TIAM2: variants seen among roughly 807,000 people sequenced by gnomAD.
TIAM2 encodes the protein rho guanine nucleotide exchange factor TIAM2.
Under a neutral mutation model 152.9 loss-of-function variants are expected in TIAM2, and 80 were observed. That is an observed-to-expected ratio of 0.52 (90% CI 0.44 to 0.63). TIAM2 has a LOEUF of 0.63. TIAM2 is among the 30% of genes least tolerant of loss of function. The probability of loss-of-function intolerance (pLI) is 0.00; values close to 1 mark genes in which losing one functional copy is unlikely to be tolerated. For missense variants in TIAM2, 1,965 were observed against 2,120.1 expected, an observed-to-expected ratio of 0.93 and a Z score of 1.44; for synonymous variants, 804 against 838.0, an observed-to-expected ratio of 0.96 and a Z score of 0.70.
chr6:155,113,333 T>C (rs926127523), intron 2 of TIAM2, among the ~76,000 whole-genome samples: 5 of 152,194 alleles, frequency 3.3e-5, no homozygotes, highest in Non-Finnish European at 5.9e-5. Context: ...CCTCGCCTTT[T>C]AAAAATTGCA....
chr6:155,140,930 C>T (rs1457520321), intron 5 of TIAM2, among the ~76,000 whole-genome samples: 2 of 152,154 alleles, frequency 1.3e-5, no homozygotes, highest in East Asian at 1.9e-4. Flanking sequence ...GCCAAATTGT[C>T]GCAGGCTTCT....
At chr6:155,045,840 CTT>C (rs11354850) in intron 1 of TIAM2, among the ~76,000 whole-genome samples, 15 of 60,498 alleles carry the variant, frequency 2.5e-4, no homozygotes, top group African/African-American at 9.5e-4. Flanking sequence ...ATAGTGCCCT[CTT>C]TTTTTTTTTT....
In TIAM2 at chr6:155,256,862, G is replaced by A. The variant is rs1470201822; in HGVS notation, c.4847G>A (p.Gly1616Asp). ...EAEQQPGPESGEGQKGGEQPK... is the reference protein window; with the variant it reads ...EAEQQPGPESDEGQKGGEQPK... Reference sequence around the variant, plus strand: ...GAGCAGCAGCCTGGCCCGGAGTCGGGTGAGGGTCAGAAAGGAGGAGAGCAG... The same window carrying A: ...GAGCAGCAGCCTGGCCCGGAGTCGGATGAGGGTCAGAAAGGAGGAGAGCAG... Residue 1616 changes from glycine to aspartate, a missense_variant, in exon 27 of 27, where the codon GGT (glycine) becomes GAT (aspartate). Gly to Asp is a moderately conservative substitution (Grantham distance 94). Coordinates refer to ENST00000682666, the MANE Select transcript of TIAM2 (RefSeq NM_012454.4). The A allele has an allele frequency of 5.0e-6, 8 of 1,614,108 alleles. No homozygotes were observed. The highest frequency in any genetic ancestry group is 4.0e-5 in the African/African-American group (3 of 74,928).
intron 7 of TIAM2, among the ~76,000 whole-genome samples, chr6:155,155,109 G>A (rs981268653): frequency 1.3e-5 from 2 of 152,158 alleles, no homozygotes; most frequent in Non-Finnish European, 2.9e-5. Context: ...ATAGGCAATA[G>A]GGAGATGGTG....
intron 7 of TIAM2, among the ~76,000 whole-genome samples, chr6:155,154,295 A>C (rs1345060486): frequency 2.0e-5 from 3 of 152,188 alleles, no homozygotes; most frequent in Non-Finnish European, 4.4e-5. Context: ...ACATCATGCA[A>C]CAGAAATTCT....
At position 155,035,119 on chromosome 6, in the gene TIAM2, C is replaced by T. The variant is rs185354153; in HGVS notation, c.-209+39627C>T. 9.3e-4 allele frequency among the ~76,000 whole-genome samples: 141 copies of T among 151,760 alleles called. 2 individuals carry two copies. The highest frequency in any genetic ancestry group is 6.3e-3 in the South Asian group (30 of 4,792). On this transcript the variant is annotated intron_variant, in intron 1 of 26. Coordinates refer to ENST00000682666, the MANE Select transcript of TIAM2 (RefSeq NM_012454.4). ...AGGGAATGACTTGATTATTATAGTT[C>T]GTTTGATCCACGTATGCACTGATTC...
At chr6:155,106,982 A>G (rs1041963468) in intron 2 of TIAM2, among the ~76,000 whole-genome samples, 1 of 152,214 alleles carries the variant, frequency 6.6e-6, no homozygotes. Context: ...AGCATTGCAC[A>G]GGATCTGTTT....
intron 15 of TIAM2, among the ~76,000 whole-genome samples, chr6:155,227,832 A>C (rs2115259229): frequency 6.6e-6 from 1 of 152,344 alleles, no homozygotes; most frequent in South Asian, 2.1e-4. Flanking sequence ...GAGAGCCAGC[A>C]GAGGATGCAG....
intron 4 of TIAM2, among the ~76,000 whole-genome samples, chr6:155,135,263 CA>C (rs927095904): frequency 7.0e-4 from 107 of 152,112 alleles, no homozygotes; most frequent in Non-Finnish European, 1.4e-3. Flanking sequence ...TATTCTCTTA[CA>C]AAACAGCAAG....
chr6:155,095,643 G>A lies in TIAM2; in HGVS notation c.-118+5264G>A, dbSNP rs569344572. 5.9e-4 allele frequency among the ~76,000 whole-genome samples: 90 copies of A among 152,308 alleles called. 1 individual carries two copies. The highest frequency in any genetic ancestry group is 6.8e-3 in the Middle Eastern group (2 of 294). ...CCCCATCTGTCAGGATGCTGTAGGA[G>A]ATTCCTAAATTAGAGGGAAGGTTGG... On this transcript the variant is annotated intron_variant, in intron 2 of 26. Transcript: ENST00000682666.
intron 14 of TIAM2, among the ~76,000 whole-genome samples, chr6:155,210,621 G>A (rs1781697998): frequency 6.6e-6 from 1 of 152,158 alleles, no homozygotes; most frequent in African/African-American, 2.4e-5. Context: ...ACGGGCATGA[G>A]CCACCACACC....
chr6:155,220,647 T>G (rs556575339), intron 15 of TIAM2, among the ~76,000 whole-genome samples: 18 of 152,332 alleles, frequency 1.2e-4, no homozygotes, highest in African/African-American at 4.3e-4. Context: ...CAGCCTCTTT[T>G]TTTTTGGCAG....
chr6:155,241,073 G>A (rs145594290), intron 16 of TIAM2, among the ~76,000 whole-genome samples: 5 of 152,328 alleles, frequency 3.3e-5, no homozygotes, highest in African/African-American at 9.6e-5. Flanking sequence ...CTGTACATAC[G>A]TGACGGCTGA....
intron 1 of TIAM2, among the ~76,000 whole-genome samples, chr6:155,086,922 A>T (rs1429010911): frequency 6.6e-6 from 1 of 152,212 alleles, no homozygotes; most frequent in Admixed American, 6.5e-5. Context: ...CAGGGAAACA[A>T]AGTACTTCAC....
In TIAM2 at chr6:155,137,623, T is replaced by C; in HGVS notation, c.1630+11T>C. On this transcript the variant is annotated intron_variant, in intron 5 of 26. Transcript: ENST00000682666. ...GGGTAACGCTGAAAGGTGAGTGCAGTGTCACCTGCTGAGGCCACTGGGGAT... is the reference window on the plus strand; with the variant it reads ...GGGTAACGCTGAAAGGTGAGTGCAGCGTCACCTGCTGAGGCCACTGGGGAT... 1 of 1,550,968 alleles carries C rather than the reference T, an allele frequency of 6.4e-7. No individual in the cohort carries two copies. The highest frequency in any genetic ancestry group is 8.7e-7 in the Non-Finnish European group (1 of 1,155,092).
intron 7 of TIAM2, 78 bp from the exon 8 acceptor site, chr6:155,164,337 G>C: frequency 7.2e-7 from 1 of 1,382,838 alleles, no homozygotes; most frequent in Non-Finnish European, 9.8e-7. Context: ...CTTCAAGTTT[G>C]TGAAAGGGAT....
At chr6:155,158,249 A>G (rs1780173542) in intron 7 of TIAM2, among the ~76,000 whole-genome samples, 1 of 152,156 alleles carries the variant, frequency 6.6e-6, no homozygotes, top group South Asian at 2.1e-4. Flanking sequence ...ATCATTATTC[A>G]TTTGTTATTT....
At chr6:155,227,241 CTG>C (rs1782281271) in intron 15 of TIAM2, among the ~76,000 whole-genome samples, 1 of 152,152 alleles carries the variant, frequency 6.6e-6, no homozygotes, top group African/African-American at 2.4e-5. Context: ...TGTTTCATGG[CTG>C]TGAGGTGAAA....
At chr6:155,203,056 A>AAAAAAAAAAAAAAAC (rs1781515742) in intron 14 of TIAM2, among the ~76,000 whole-genome samples, 1 of 149,170 alleles carries the variant, frequency 6.7e-6, no homozygotes, top group African/African-American at 2.5e-5. Context: ...CTCAAAAAAA[A>AAAAAAAAAAAAAAAC]AAAAAAAAAA....
Sources: allele counts gnomAD v4.1 joint callset (sites outside exome capture counted in the v4.1 genomes callset), GRCh38; gene constraint gnomAD v4.1.1; transcripts MANE v1.5; gene names NCBI Gene and HGNC (gene_info 2026-07-23, HGNC 2026-07-21).